Variants in GPC5 observed in about 807,000 individuals in gnomAD.
The protein encoded by GPC5 is glypican 5, also known as glypican-5.
In GPC5, 47 loss-of-function variants were observed where a neutral mutation model predicts 53.9. That is an observed-to-expected ratio of 0.87 (90% CI 0.69 to 1.11). The LOEUF is 1.11. GPC5 is among the 50% of genes most tolerant of loss of function. The pLI is 0.00. For synonymous variants in GPC5, 286 were observed against 263.3 expected (o/e 1.09, Z -0.84); for missense variants, 748 against 713.1 (o/e 1.05, Z -0.56).
chr13:92,637,121 G>A (rs1336206872), intron 7 of GPC5, among the ~76,000 whole-genome samples: 2 of 152,106 alleles, frequency 1.3e-5, no homozygotes, highest in Non-Finnish European at 2.9e-5. Context: ...CTGGAATGTA[G>A]TATCTCCTAA....
chr13:91,588,486 G>A (rs1451543356), intron 2 of GPC5, among the ~76,000 whole-genome samples: 1 of 152,074 alleles, frequency 6.6e-6, no homozygotes, highest in Non-Finnish European at 1.5e-5. Context: ...GAGAGTTGGA[G>A]GATTAGAGGA....
chr13:92,591,892 T>C (rs894785256), intron 7 of GPC5, among the ~76,000 whole-genome samples: 2 of 152,136 alleles, frequency 1.3e-5, no homozygotes, highest in African/African-American at 4.8e-5. Flanking sequence ...AGAAGCTCTC[T>C]TCGTTAATAA....
intron 5 of GPC5, among the ~76,000 whole-genome samples, chr13:91,826,297 G>T (rs1412774346): frequency 6.6e-6 from 1 of 152,022 alleles, no homozygotes; most frequent in Non-Finnish European, 1.5e-5. Flanking sequence ...AACAGATGTG[G>T]AATATCAGCA....
At chr13:91,856,775 T>C (rs1158653347) in intron 5 of GPC5, among the ~76,000 whole-genome samples, 1 of 151,410 alleles carries the variant, frequency 6.6e-6, no homozygotes. Flanking sequence ...TATTTCTTTT[T>C]CATTTTTAAA....
intron 2 of GPC5, among the ~76,000 whole-genome samples, chr13:91,631,263 T>TG (rs1252301914): frequency 2.0e-5 from 3 of 152,182 alleles, no homozygotes; most frequent in Non-Finnish European, 4.4e-5. Context: ...TGATGGGGCC[T>TG]GGCCAGTTAC....
chr13:91,693,997 AT>A (rs952995933), intron 3 of GPC5, 116 bp downstream of exon 3: 36 of 781,380 alleles, frequency 4.6e-5, no homozygotes, highest in Non-Finnish European at 6.9e-5. Context: ...CCAAGATATT[AT>A]TTTTTTATAT....
At chr13:92,531,080 A>T (rs935642824) in intron 7 of GPC5, among the ~76,000 whole-genome samples, 1 of 152,176 alleles carries the variant, frequency 6.6e-6, no homozygotes, top group East Asian at 1.9e-4. Context: ...GGCTTTCATT[A>T]TGATTGTAGA....
At chr13:92,159,301 C>T (rs1380998268) in intron 7 of GPC5, among the ~76,000 whole-genome samples, 1 of 152,158 alleles carries the variant, frequency 6.6e-6, no homozygotes, top group African/African-American at 2.4e-5. Flanking sequence ...GCTGGCATTA[C>T]ATCAAAGCAG....
intron 5 of GPC5, among the ~76,000 whole-genome samples, chr13:91,788,822 A>T (rs757816140): frequency 6.6e-6 from 1 of 152,178 alleles, no homozygotes; most frequent in East Asian, 1.9e-4. Context: ...AAAACAATAC[A>T]TTTGGGGGGA....
chr13:91,805,180 A>G (rs1441828356), intron 5 of GPC5, among the ~76,000 whole-genome samples: 1 of 152,186 alleles, frequency 6.6e-6, no homozygotes, highest in Non-Finnish European at 1.5e-5. Flanking sequence ...TTTAAAGAGT[A>G]TAGCTTTACA....
intron 7 of GPC5, among the ~76,000 whole-genome samples, chr13:92,260,128 A>G (rs886412372): frequency 6.6e-6 from 1 of 152,152 alleles, no homozygotes; most frequent in African/African-American, 2.4e-5. Flanking sequence ...GGAACATCCA[A>G]TTAAAGTCTG....
intron 2 of GPC5, among the ~76,000 whole-genome samples, chr13:91,552,559 T>C (rs1389078509): frequency 6.6e-6 from 1 of 152,070 alleles, no homozygotes. Flanking sequence ...AGATATTAAA[T>C]TAATTAAAAG....
chr13:92,700,505 G>T (rs974652368), intron 7 of GPC5, among the ~76,000 whole-genome samples: 7 of 151,910 alleles, frequency 4.6e-5, no homozygotes, highest in African/African-American at 1.7e-4. Context: ...TGATTATTTT[G>T]CCCACTAGTT....
At chr13:92,623,646 G>A (rs762100957) in intron 7 of GPC5, among the ~76,000 whole-genome samples, 14 of 151,936 alleles carry the variant, frequency 9.2e-5, no homozygotes, top group Non-Finnish European at 1.6e-4. Context: ...TTTTTCTTTA[G>A]TAAGGATCAA....
intron 6 of GPC5, among the ~76,000 whole-genome samples, chr13:91,976,467 C>T (rs2040303065): frequency 6.6e-6 from 1 of 152,090 alleles, no homozygotes; most frequent in South Asian, 2.1e-4. Flanking sequence ...AGATCAGCCT[C>T]AAATCCGTCT....
intron 7 of GPC5, among the ~76,000 whole-genome samples, chr13:92,159,051 G>T (rs1186930755): frequency 1.3e-5 from 2 of 152,280 alleles, no homozygotes; most frequent in South Asian, 4.1e-4. Context: ...CCAGAAGACT[G>T]TTATAGCTAC....
intron 2 of GPC5, among the ~76,000 whole-genome samples, chr13:91,564,032 G>A (rs543055323): frequency 3.9e-5 from 6 of 152,212 alleles, no homozygotes; most frequent in South Asian, 4.1e-4. Context: ...CTTCAACAAA[G>A]CTGTCTTATT....
chr13:92,803,539 A>T (rs1397343866), intron 7 of GPC5, among the ~76,000 whole-genome samples: 1 of 151,872 alleles, frequency 6.6e-6, no homozygotes, highest in Non-Finnish European at 1.5e-5. Flanking sequence ...TTACTATAGA[A>T]ATCTCTTGCT....
chr13:92,309,082 T>C (rs1449609410), intron 7 of GPC5, among the ~76,000 whole-genome samples: 1 of 152,100 alleles, frequency 6.6e-6, no homozygotes, highest in Middle Eastern at 3.2e-3. Flanking sequence ...ATAAAAGCTG[T>C]TGAAAATAAG....
Sources: allele counts gnomAD v4.1 joint callset (sites outside exome capture counted in the v4.1 genomes callset), GRCh38; gene constraint gnomAD v4.1.1; transcripts MANE v1.5; gene names NCBI Gene and HGNC (gene_info 2026-07-23, HGNC 2026-07-21).